The following AGBL1 variants were observed in gnomAD, a reference collection of about 807,000 sequenced individuals.
The protein encoded by AGBL1 is cytosolic carboxypeptidase 4.
A neutral mutation model predicts 118.9 loss-of-function variants in AGBL1; 130 were observed. The ratio of observed to expected loss-of-function variants is 1.09; its 90% CI spans 0.95 to 1.26. AGBL1 has a LOEUF of 1.26. AGBL1 is among the 50% of genes most tolerant of loss of function. The pLI, the probability that AGBL1 is intolerant of heterozygous loss-of-function variation, is 0.00. For missense variants in AGBL1, 1,584 were observed against 1,298.1 expected (o/e 1.22, Z -3.38); for synonymous variants, 555 against 478.9 (o/e 1.16, Z -2.08).
intron 17 of AGBL1, among the ~76,000 whole-genome samples, chr15:86,330,489 C>T (rs189682490): frequency 5.8e-4 from 88 of 152,284 alleles, no homozygotes; most frequent in Middle Eastern, 3.4e-3. Context: ...ATTCCACTTA[C>T]GTGAAAATAA....
chr15:86,152,077 A>G (rs2077119663), intron 3 of AGBL1, among the ~76,000 whole-genome samples: 1 of 152,232 alleles, frequency 6.6e-6, no homozygotes. Context: ...CAATATCGTG[A>G]AAATGGCCAT....
intron 22 of AGBL1, among the ~76,000 whole-genome samples, chr15:86,695,106 C>G (rs2086233849): frequency 6.6e-6 from 1 of 151,708 alleles, no homozygotes; most frequent in Non-Finnish European, 1.5e-5. Context: ...ATGCTGGCTT[C>G]TTTGATGATT....
At chr15:86,761,707 G>T (rs916371579) in intron 22 of AGBL1, among the ~76,000 whole-genome samples, 3 of 152,080 alleles carry the variant, frequency 2.0e-5, no homozygotes, top group African/African-American at 7.2e-5. Flanking sequence ...ATTTGCTTAA[G>T]TTCCTTGTAG....
intron 17 of AGBL1, among the ~76,000 whole-genome samples, chr15:86,377,504 A>G (rs1473505231): frequency 6.6e-6 from 1 of 152,150 alleles, no homozygotes; most frequent in African/African-American, 2.4e-5. Flanking sequence ...ATGAGAGCAC[A>G]ATTTTTCCTG....
chr15:86,605,028 C>T (rs1471710734), intron 21 of AGBL1, among the ~76,000 whole-genome samples: 3 of 152,136 alleles, frequency 2.0e-5, no homozygotes, highest in African/African-American at 4.8e-5. Flanking sequence ...CTCCCAACCT[C>T]AGGTGATCTG....
intron 21 of AGBL1, among the ~76,000 whole-genome samples, chr15:86,573,522 T>G (rs1158047710): frequency 1.3e-5 from 2 of 152,246 alleles, no homozygotes; most frequent in African/African-American, 2.4e-5. Context: ...AAGATAATTC[T>G]TTGAAAGTAG....
intron 22 of AGBL1, among the ~76,000 whole-genome samples, chr15:86,714,483 G>A (rs938271303): frequency 1.3e-5 from 2 of 152,178 alleles, no homozygotes; most frequent in South Asian, 4.1e-4. Context: ...TCTTATCAAA[G>A]CCATGTGTGT....
At chr15:86,788,516 T>A (rs2078446641) in intron 22 of AGBL1, among the ~76,000 whole-genome samples, 1 of 152,176 alleles carries the variant, frequency 6.6e-6, no homozygotes, top group Non-Finnish European at 1.5e-5. Flanking sequence ...GTAAAATACT[T>A]ATAGAACATC....
intron 18 of AGBL1, among the ~76,000 whole-genome samples, chr15:86,481,145 A>T (rs2142123413): frequency 6.6e-6 from 1 of 150,834 alleles, no homozygotes; most frequent in South Asian, 2.1e-4. Flanking sequence ...AAAAAAAAAA[A>T]AAAAGTCATT....
intron 1 of AGBL1, among the ~76,000 whole-genome samples, chr15:86,083,965 G>A (rs762499573): frequency 1.4e-4 from 22 of 152,208 alleles, no homozygotes; most frequent in Non-Finnish European, 2.8e-4. Context: ...CAAACACTGT[G>A]TAGACTTTCC....
Position 86,566,147 on chromosome 15 carries a change from G to A in AGBL1, c.2994+11610G>A, listed in dbSNP as rs566026228. Among the ~76,000 whole-genome samples, 431 of 152,178 alleles carry A rather than the reference G, an allele frequency of 2.8e-3. 3 individuals carry two copies. Among genetic ancestry groups the A allele is most frequent in the African/African-American group, 0.01 (417 of 41,494 alleles). On this transcript the variant is annotated intron_variant, in intron 21 of 22. Coordinates refer to ENST00000614907, the MANE Select transcript of AGBL1 (RefSeq NM_001386094.1). ...CTGCACTCACTGTCCTGCACCCACT[G>A]TCCTACAAGCCCCAGTGAGATGAAC...
chr15:86,919,971 C>A (rs1164293169), downstream of AGBL1, among the ~76,000 whole-genome samples: 1 of 152,112 alleles, frequency 6.6e-6, no homozygotes, highest in South Asian at 2.1e-4. Context: ...GATATCAGTA[C>A]CTGTACCTCA....
chr15:86,916,654 C>G (rs369264178), downstream of AGBL1, among the ~76,000 whole-genome samples: 1 of 152,204 alleles, frequency 6.6e-6, no homozygotes, highest in Non-Finnish European at 1.5e-5. Context: ...TGGGCTGACC[C>G]TTTCCTCTGG....
At chr15:86,103,812 G>C (rs1037813599) in intron 1 of AGBL1, among the ~76,000 whole-genome samples, 5 of 152,180 alleles carry the variant, frequency 3.3e-5, no homozygotes, top group Admixed American at 6.5e-5. Flanking sequence ...AGCTATTCTA[G>C]GCAATTTGGT....
At chr15:86,304,276 C>G (rs1185676137) in intron 17 of AGBL1, among the ~76,000 whole-genome samples, 1 of 152,142 alleles carries the variant, frequency 6.6e-6, no homozygotes, top group African/African-American at 2.4e-5. Context: ...GCAACCTAAC[C>G]ACCTCCACTG....
At chr15:86,976,271 G>A (rs1247867352) in intron 23 of AGBL1, among the ~76,000 whole-genome samples, 3 of 150,514 alleles carry the variant, frequency 2.0e-5, no homozygotes, top group Non-Finnish European at 4.4e-5. Flanking sequence ...ATGTGAATAT[G>A]TATCCATGTA....
Position 86,286,979 on chromosome 15 carries a change from A to G in AGBL1, c.2220+7196A>G, listed in dbSNP as rs141427274. Among the ~76,000 whole-genome samples, 281 of 152,166 alleles carry G rather than the reference A, an allele frequency of 1.8e-3. 2 individuals are homozygous for G. The highest frequency in any genetic ancestry group is 6.8e-3 in the Middle Eastern group (2 of 294). On this transcript the variant is annotated intron_variant, in intron 16 of 22. Transcript: ENST00000614907. ...GCTGCACTAATTTACATTCCCACCA[A>G]TGGTGTTCAGGGTTCCAGATCCTCA...
intron 18 of AGBL1, among the ~76,000 whole-genome samples, chr15:86,416,419 T>G (rs192202879): frequency 6.6e-6 from 1 of 152,272 alleles, no homozygotes; most frequent in Admixed American, 6.5e-5. Flanking sequence ...TGAGTCCTGA[T>G]CAGGCTGGGC....
chr15:86,718,450 G>A (rs1442691690), intron 22 of AGBL1, among the ~76,000 whole-genome samples: 1 of 152,096 alleles, frequency 6.6e-6, no homozygotes, highest in African/African-American at 2.4e-5. Flanking sequence ...ACGAGTTAAT[G>A]GGTGCAGTAC....
Sources: allele counts gnomAD v4.1 joint callset (sites outside exome capture counted in the v4.1 genomes callset), GRCh38; gene constraint gnomAD v4.1.1; transcripts MANE v1.5; gene names NCBI Gene and HGNC (gene_info 2026-07-23, HGNC 2026-07-21).